Variants in ARF1 observed in about 807,000 individuals in gnomAD.
ARF1 encodes the protein ADP-ribosylation factor 1.
A neutral mutation model predicts 18.0 loss-of-function variants in ARF1; 1 was observed. The ratio of observed to expected loss-of-function variants is 0.06; its 90% CI spans 0.02 to 0.26. The LOEUF (loss-of-function observed/expected upper bound fraction) is 0.26, where lower values mean the gene tolerates loss of function less well. Among genes scored for constraint, ARF1 ranks in the 10% least tolerant of loss-of-function variants. The pLI is 1.00. For missense variants in ARF1, 73 were observed against 247.2 expected, an observed-to-expected ratio of 0.30 and a Z score of 4.73; for synonymous variants, 112 against 96.3, an observed-to-expected ratio of 1.16 and a Z score of -0.95.
At chr1:228,096,104 AG>A (rs1184419515) in intron 1 of ARF1, among the ~76,000 whole-genome samples, 1 of 152,134 alleles carries the variant, frequency 6.6e-6, no homozygotes. Context: ...TGAGAAATGG[AG>A]AAGAGGCATT....
At chr1:228,084,344 G>A (rs1319412003) in intron 1 of ARF1, among the ~76,000 whole-genome samples, 1 of 152,238 alleles carries the variant, frequency 6.6e-6, no homozygotes, top group Non-Finnish European at 1.5e-5. Flanking sequence ...GTTTTCACAT[G>A]TTGGTAGACT....
Position 228,097,313 on chromosome 1 carries a change from C to G in ARF1, c.149-29C>G. The stretch of plus-strand genomic sequence containing the variant: ...GGCTGGGCTGGGCTGGGCCAAGGTA[C>G]AAGGCCTCACCCTGCATCCCGCACC... On this transcript the variant is annotated intron_variant, in intron 2 of 4. Coordinates refer to ENST00000272102, the MANE Select transcript of ARF1 (RefSeq NM_001658.4). The surrounding 1 kb of genome is among the most constrained non-coding windows in gnomAD (Gnocchi z 8.1). 6.2e-7 allele frequency: 1 copy of G among 1,611,634 alleles called. No homozygotes were observed. Among genetic ancestry groups the G allele is most frequent in the Non-Finnish European group, 8.5e-7 (1 of 1,178,670 alleles).
chr1:228,084,454 G>A (rs3754359), intron 1 of ARF1, among the ~76,000 whole-genome samples: 1,594 of 152,284 alleles, frequency 0.01, 22 homozygotes, highest in East Asian at 0.045. Flanking sequence ...GCAGATTTTC[G>A]GATTTGCTAG....
intron 1 of ARF1, among the ~76,000 whole-genome samples, chr1:228,096,046 G>C (rs2032735613): frequency 6.6e-6 from 1 of 152,248 alleles, no homozygotes; most frequent in Non-Finnish European, 1.5e-5. Context: ...CGGGCGGCCA[G>C]TTCACACCCA....
chr1:228,089,865 A>G lies in ARF1; in HGVS notation c.-38+7100A>G, dbSNP rs1453880551. Among the ~76,000 whole-genome samples the G allele has an allele frequency of 2.6e-5, 4 of 152,232 alleles. No individual in the cohort carries two copies. The highest frequency in any genetic ancestry group is 4.1e-4 in the South Asian group (2 of 4,828). On this transcript the variant is annotated intron_variant, in intron 1 of 4. Coordinates refer to ENST00000272102, the MANE Select transcript of ARF1 (RefSeq NM_001658.4). The surrounding 1 kb of genome is among the most constrained non-coding windows in gnomAD (Gnocchi z 4.1). ...GCCTGGCAGTAGCTCAGTGCCCAGC[A>G]TGTCTGTGGTGAGTGTGTAGTTCAG...
intron 1 of ARF1, among the ~76,000 whole-genome samples, chr1:228,093,441 C>T (rs113698704): frequency 4.6e-5 from 7 of 152,146 alleles, no homozygotes; most frequent in East Asian, 1.9e-4. Context: ...CGAGGCAGGA[C>T]GTGCCAGCCA....
At chr1:228,086,350 C>T (rs1266323307) in intron 1 of ARF1, among the ~76,000 whole-genome samples, 4 of 151,816 alleles carry the variant, frequency 2.6e-5, no homozygotes, top group African/African-American at 4.8e-5. Context: ...CCCGACTCTA[C>T]TAAAAATACA....
rs1307521193 is a variant in ARF1, at chr1:228,097,960, G to T, written c.493G>T (p.Gly165Trp). 6.2e-7 allele frequency: 1 copy of T among 1,614,178 alleles called. No individual in the cohort carries two copies. The change falls in exon 5 of 5, where the codon GGG (glycine) becomes TGG (tryptophan). Residue 165 changes from glycine to tryptophan, a missense_variant. Coordinates refer to ENST00000272102, the MANE Select transcript of ARF1 (RefSeq NM_001658.4). This position sits in a 1 kb window ranked among gnomAD's most constrained non-coding sequence, Gnocchi z 8.1. ...IQATCATSGD[G>W]LYEGLDWLSN... ...GGCCACCTGCGCCACCAGCGGCGAC[G>T]GGCTCTATGAAGGACTGGACTGGCT...
In ARF1 at chr1:228,089,695, C is replaced by T. The variant is rs2032515524; in HGVS notation, c.-38+6930C>T. 6.6e-6 allele frequency among the ~76,000 whole-genome samples: 1 copy of T among 152,070 alleles called. No individual in the cohort carries two copies. The highest frequency in any genetic ancestry group is 6.5e-5 in the Admixed American group (1 of 15,270). On this transcript the variant is annotated intron_variant, in intron 1 of 4. Coordinates refer to ENST00000272102, the MANE Select transcript of ARF1 (RefSeq NM_001658.4). The surrounding 1 kb of genome is among the most constrained non-coding windows in gnomAD (Gnocchi z 4.1). ...TTCTAGTGGTTGGAGGAAGGAGCAACTTGCTCTCCCAGTTTATGACAGCAA... is the reference window on the plus strand; with the variant it reads ...TTCTAGTGGTTGGAGGAAGGAGCAATTTGCTCTCCCAGTTTATGACAGCAA...
chr1:228,091,557 C>T (rs2032576844), intron 1 of ARF1, among the ~76,000 whole-genome samples: 2 of 152,200 alleles, frequency 1.3e-5, no homozygotes, highest in African/African-American at 4.8e-5. Flanking sequence ...TTGCAAGTCT[C>T]TTCAACATGA....
rs1364793800 is a variant in ARF1, at chr1:228,099,166, A to G, written c.*1153A>G. The G allele has an allele frequency of 6.5e-6, 1 of 152,680 alleles. No individual in the cohort carries two copies. The highest frequency in any genetic ancestry group is 1.5e-5 in the Non-Finnish European group (1 of 68,046). 9.5% of individuals were successfully genotyped at this position (152,680 alleles called of 1,614,324 possible). A position where few individuals can be genotyped will look rare whatever the true frequency, so the allele number is the denominator to read the frequency against. ...GTTTTCAGTTTTCATTTCGACAAAC[A>G]AGCACTGTAATTATAGCTATTAGAA... On this transcript the variant is annotated 3_prime_UTR_variant, in exon 5 of 5. Transcript: ENST00000272102.
chr1:228,085,085 T>A lies in ARF1; in HGVS notation c.-38+2320T>A, dbSNP rs147852605. Among the ~76,000 whole-genome samples the A allele has an allele frequency of 3.6e-3, 553 of 152,324 alleles. 11 individuals carry two copies. Among genetic ancestry groups the A allele is most frequent in the East Asian group, 0.03 (155 of 5,174 alleles). On this transcript the variant is annotated intron_variant, in intron 1 of 4. Coordinates refer to ENST00000272102, the MANE Select transcript of ARF1 (RefSeq NM_001658.4). Reference sequence around the variant, plus strand: ...AATAGAGTGCACTGTCAAAGATAATTGGGAGAGAAACACGAAAAGGCCTCG... The same window carrying A: ...AATAGAGTGCACTGTCAAAGATAATAGGGAGAGAAACACGAAAAGGCCTCG...
intron 1 of ARF1, among the ~76,000 whole-genome samples, chr1:228,093,588 T>G (rs78698634): frequency 0.018 from 2,648 of 150,688 alleles, 88 homozygotes; most frequent in African/African-American, 0.06. Context: ...GCAGGGTGGC[T>G]TCCCTCCTTT....
chr1:228,088,025 G>C (rs1276137617), intron 1 of ARF1: 1 of 152,278 alleles, frequency 6.6e-6, no homozygotes, highest in East Asian at 1.9e-4. Flanking sequence ...CACTTGTGCA[G>C]TGCCCAGCGG....
At chr1:228,087,848 C>T (rs535151775) in intron 1 of ARF1, among the ~76,000 whole-genome samples, 1 of 152,184 alleles carries the variant, frequency 6.6e-6, no homozygotes, top group Non-Finnish European at 1.5e-5. Flanking sequence ...CACATGAGTA[C>T]AGTTTTTAAA....
rs570730438 is a variant in ARF1, at chr1:228,089,319, C to T, written c.-38+6554C>T. Among the ~76,000 whole-genome samples, 4 of 152,210 alleles carry T rather than the reference C, an allele frequency of 2.6e-5. No individual in the cohort carries two copies. Among genetic ancestry groups the T allele is most frequent in the South Asian group, 2.1e-4 (1 of 4,818 alleles). On this transcript the variant is annotated intron_variant, in intron 1 of 4. Coordinates refer to ENST00000272102, the MANE Select transcript of ARF1 (RefSeq NM_001658.4). The surrounding 1 kb of genome is among the most constrained non-coding windows in gnomAD (Gnocchi z 4.1). ...CTTTCTCTCACCTAGGTCTGGAGTG[C>T]CTCCAGAAGCGAGGATTTCCTGCAA...
intron 1 of ARF1, among the ~76,000 whole-genome samples, chr1:228,088,628 C>T (rs1198501497): frequency 6.6e-6 from 1 of 152,126 alleles, no homozygotes; most frequent in Non-Finnish European, 1.5e-5. Flanking sequence ...AGAATCACAG[C>T]AAGAATTCAG....
At chr1:228,086,386 T>C (rs1020876138) in intron 1 of ARF1, among the ~76,000 whole-genome samples, 3 of 151,942 alleles carry the variant, frequency 2.0e-5, no homozygotes, top group Non-Finnish European at 4.4e-5. Flanking sequence ...TGTGGTGGTG[T>C]GCACCTGTAG....
intron 1 of ARF1, among the ~76,000 whole-genome samples, chr1:228,086,926 A>T (rs2032421195): frequency 6.6e-6 from 1 of 152,238 alleles, no homozygotes; most frequent in Non-Finnish European, 1.5e-5. Context: ...AACGACACCT[A>T]GCTGGTGTCT....
Sources: allele counts gnomAD v4.1 joint callset (sites outside exome capture counted in the v4.1 genomes callset), GRCh38; gene constraint gnomAD v4.1.1; non-coding constraint Gnocchi (gnomAD v3.1); transcripts MANE v1.5; gene names NCBI Gene and HGNC (gene_info 2026-07-23, HGNC 2026-07-21).